The following OR51B5 variants were observed in gnomAD, a reference collection of about 807,000 sequenced individuals.
The protein encoded by OR51B5 is olfactory receptor family 51 subfamily B member 5, also known as olfactory receptor 51B5.
For missense variants in OR51B5, 456 were observed against 374.6 expected, an observed-to-expected ratio of 1.22 and a Z score of -1.79; for synonymous variants, 186 against 144.8, an observed-to-expected ratio of 1.28 and a Z score of -2.04.
At chr11:5,354,437 C>T (rs1345822361) in intron 1 of OR51B5, among the ~76,000 whole-genome samples, 1 of 152,108 alleles carries the variant, frequency 6.6e-6, no homozygotes, top group East Asian at 1.9e-4. Context: ...TTCTGTTCTT[C>T]CTTATACTGA....
At chr11:5,418,893 A>T (rs61894105) in intron 1 of OR51B5, among the ~76,000 whole-genome samples, 73 of 151,716 alleles carry the variant, frequency 4.8e-4, no homozygotes, top group African/African-American at 1.7e-3. Context: ...AAAAAAAAGC[A>T]TCATCTGGTC....
At chr11:5,345,325 G>C (rs1227168025), upstream of OR51B5, among the ~76,000 whole-genome samples, 1 of 152,108 alleles carries the variant, frequency 6.6e-6, no homozygotes, top group East Asian at 1.9e-4. Flanking sequence ...TCCATATGAA[G>C]AGTCATGGTG....
chr11:5,474,244 G>A (rs1851271120), intron 1 of OR51B5, among the ~76,000 whole-genome samples: 1 of 152,024 alleles, frequency 6.6e-6, no homozygotes, highest in Non-Finnish European at 1.5e-5. Flanking sequence ...TACACAACTT[G>A]CCATATCATA....
chr11:5,482,664 AAAAC>A (rs1263520450), intron 1 of OR51B5, among the ~76,000 whole-genome samples: 2 of 110,208 alleles, frequency 1.8e-5, no homozygotes, highest in South Asian at 4.7e-4. Context: ...TTACAGGAAA[AAAAC>A]AAACAACCCC....
chr11:5,505,461 G>C, intron 1 of OR51B5: 1 of 1,302,204 alleles, frequency 7.7e-7, no homozygotes, highest in Non-Finnish European at 1.0e-6. Context: ...CCCTAATGGG[G>C]AGTGGAGTGA....
chr11:5,435,318 T>C (rs1392698404), intron 1 of OR51B5, among the ~76,000 whole-genome samples: 1 of 152,232 alleles, frequency 6.6e-6, no homozygotes, highest in Non-Finnish European at 1.5e-5. Context: ...TTATAGATAA[T>C]GTTGCAGACT....
Position 5,493,807 on chromosome 11 carries a change from T to TA in OR51B5, n.84+11761dup, listed in dbSNP as rs1851611126. ...TTCTGATTCTAGAATTTTCAATGAC[T>TA]AAAAAATTAGGATTTGGCTGCCTAG... On this transcript the variant is annotated intron_variant and non_coding_transcript_variant, in intron 1 of 4. Transcript: ENST00000415970. Among the ~76,000 whole-genome samples, 6 of 152,286 alleles carry TA rather than the reference T, an allele frequency of 3.9e-5. No homozygotes were observed. The South Asian group carries it at 1.2e-3, about 32-fold the overall frequency.
intron 1 of OR51B5, among the ~76,000 whole-genome samples, chr11:5,463,537 A>G (rs373830512): frequency 2.0e-5 from 3 of 152,186 alleles, no homozygotes; most frequent in African/African-American, 7.2e-5. Context: ...TTTCGTCACT[A>G]TCTTTTACTC....
chr11:5,453,322 G>A, intron 1 of OR51B5: 1 of 460,910 alleles, frequency 2.2e-6, no homozygotes, highest in Non-Finnish European at 3.8e-6. Flanking sequence ...GAGTTTGCCT[G>A]CATCATCTCA....
At chr11:5,398,328 G>A (rs1849912997) in intron 1 of OR51B5, among the ~76,000 whole-genome samples, 1 of 152,162 alleles carries the variant, frequency 6.6e-6, no homozygotes, top group South Asian at 2.1e-4. Context: ...TAGGTTCTCT[G>A]GATATTGAGA....
chr11:5,372,967 A>C (rs1271628365), intron 1 of OR51B5, among the ~76,000 whole-genome samples: 2 of 152,230 alleles, frequency 1.3e-5, no homozygotes, highest in Non-Finnish European at 2.9e-5. Flanking sequence ...CTATCACATA[A>C]ATAGACACAT....
At chr11:5,388,120 AAAT>A (rs1396838967) in intron 1 of OR51B5, among the ~76,000 whole-genome samples, 29 of 152,192 alleles carry the variant, frequency 1.9e-4, no homozygotes, top group Admixed American at 5.9e-4. Flanking sequence ...TTGAATATTG[AAAT>A]AATTATTGAA....
At chr11:5,357,511 T>C (rs569510295) in intron 1 of OR51B5, among the ~76,000 whole-genome samples, 17 of 152,114 alleles carry the variant, frequency 1.1e-4, no homozygotes, top group East Asian at 7.7e-4. Context: ...ACTTAGACTC[T>C]CACACAATAA....
intron 1 of OR51B5, chr11:5,422,935 C>G (rs755190962): frequency 1.2e-6 from 2 of 1,614,040 alleles, no homozygotes; most frequent in Admixed American, 3.3e-5. Context: ...ACTGCCTGTC[C>G]CACATTCTAG....
chr11:5,400,884 G>A (rs999605515), intron 1 of OR51B5, among the ~76,000 whole-genome samples: 2 of 152,180 alleles, frequency 1.3e-5, no homozygotes, highest in Non-Finnish European at 2.9e-5. Context: ...CTGTTGATGC[G>A]TAAGTTCAGC....
chr11:5,495,835 A>C (rs548841039), intron 1 of OR51B5, among the ~76,000 whole-genome samples: 8 of 152,256 alleles, frequency 5.3e-5, no homozygotes, highest in Non-Finnish European at 1.2e-4. Context: ...CGCCTGCAAA[A>C]GACTCACTTT....
chr11:5,498,677 G>A (rs749087812), intron 1 of OR51B5, among the ~76,000 whole-genome samples: 6 of 152,120 alleles, frequency 3.9e-5, no homozygotes, highest in Non-Finnish European at 8.8e-5. Flanking sequence ...ATTACTAATT[G>A]TAACCAAGAT....
In OR51B5 at chr11:5,461,104, G is replaced by A. The variant is rs79088069; in HGVS notation, n.84+44465C>T. 3.9e-4 allele frequency among the ~76,000 whole-genome samples: 60 copies of A among 152,324 alleles called. 2 individuals carry two copies. In the East Asian group the frequency reaches 8.3e-3, roughly 21 times the overall value. On this transcript the variant is annotated intron_variant and non_coding_transcript_variant, in intron 1 of 4. Transcript: ENST00000415970. ...GTGCTGGCTGCAGCTGGGGGGCTGC[G>A]TGTGAGGGTGCACAAGCGGATCACC...
rs573330829 is a variant in OR51B5, at chr11:5,380,546, C to T, written n.85-33636G>A. Among the ~76,000 whole-genome samples the T allele has an allele frequency of 1.1e-4, 16 of 152,092 alleles. 2 individuals are homozygous for T. The South Asian group carries it at 3.3e-3, about 32-fold the overall frequency. On this transcript the variant is annotated intron_variant and non_coding_transcript_variant, in intron 1 of 4. Coordinates refer to the OR51B5 transcript ENST00000415970. The stretch of plus-strand genomic sequence containing the variant: ...TTGTGAGTCTGGAGACATTGAGAAC[C>T]CTGTGAGTAAGGATTTTATTTAGGT...
Sources: gnomAD v4.1 joint callset for allele counts (sites outside exome capture counted in the v4.1 genomes callset) on GRCh38, gnomAD v4.1.1 for gene constraint, MANE v1.5 for transcripts, NCBI Gene and HGNC (gene_info 2026-07-23, HGNC 2026-07-21) for gene names.